The following SGPP2 variants were observed in gnomAD, a reference collection of about 807,000 sequenced individuals.
SGPP2 encodes the protein sphingosine-1-phosphate phosphatase 2.
Under a neutral mutation model 33.9 loss-of-function variants are expected in SGPP2, and 30 were observed. The ratio of observed to expected loss-of-function variants is 0.89; its 90% confidence interval spans 0.66 to 1.20. SGPP2 has a LOEUF of 1.20. Ranked by LOEUF, SGPP2 falls within the 50% of genes most tolerant of loss-of-function variation. The pLI, the probability that SGPP2 is intolerant of heterozygous loss-of-function variation, is 0.00. For missense variants in SGPP2, 458 were observed against 532.1 expected, an observed-to-expected ratio of 0.86 and a Z score of 1.37; for synonymous variants, 233 against 225.0, an observed-to-expected ratio of 1.04 and a Z score of -0.32.
rs1217225101 is a variant in SGPP2, at chr2:222,559,682, T to C, written c.*784T>C. On this transcript the variant is annotated 3_prime_UTR_variant, in exon 5 of 5. Transcript: ENST00000321276. ...GTTGCCCAGGTACGTCTGAAACTCC[T>C]GGGCTTAAGTGATCCACCCACCTCA... 6.6e-6 allele frequency: 1 copy of C among 152,410 alleles called. No homozygotes were observed. Among genetic ancestry groups the C allele is most frequent in the Non-Finnish European group, 1.5e-5 (1 of 68,240 alleles). 9.4% of individuals were successfully genotyped at this position (152,410 alleles called of 1,614,324 possible).
intron 2 of SGPP2, among the ~76,000 whole-genome samples, chr2:222,486,831 A>G (rs1314371780): frequency 6.6e-6 from 1 of 152,174 alleles, no homozygotes; most frequent in African/African-American, 2.4e-5. Flanking sequence ...ATTATGGTAT[A>G]TATTAAGGCT....
At chr2:222,536,093 C>A (rs1698911626) in intron 4 of SGPP2, among the ~76,000 whole-genome samples, 1 of 152,180 alleles carries the variant, frequency 6.6e-6, no homozygotes, top group Admixed American at 6.5e-5. Context: ...TTGATGAAAT[C>A]TTCCATAGGA....
intron 2 of SGPP2, among the ~76,000 whole-genome samples, chr2:222,475,058 C>A (rs192763461): frequency 2.0e-5 from 3 of 152,238 alleles, no homozygotes; most frequent in Admixed American, 2.0e-4. Flanking sequence ...CATCCCCCAA[C>A]AGGGAGAGGA....
intron 4 of SGPP2, among the ~76,000 whole-genome samples, chr2:222,555,445 G>GTTTTTTTTTTTTTTTTTTTTTTTGT (rs57228014): frequency 3.5e-5 from 3 of 85,864 alleles, no homozygotes; most frequent in Admixed American, 1.3e-4. Context: ...TCTTTTATCC[G>GTTTTTTTTTTTTTTTTTTTTTTTGT]TTTTTTTTTT....
rs1347633520 is a variant in SGPP2, at chr2:222,558,493, T to C, written c.795T>C (p.Pro265=). 1.9e-6 allele frequency: 3 copies of C among 1,614,040 alleles called. No individual in the cohort carries two copies. Among genetic ancestry groups the C allele is most frequent in the Non-Finnish European group, 2.5e-6 (3 of 1,180,018 alleles). ...CATTCTTCCTGTGTTACAATTACCC[T>C]GTTTCTGATTACTACAGCCCAACCC... ...VVPFFLCYNY[P]VSDYYSPTRA... is the part of the protein sequence containing the mutation. The change falls in exon 5 of 5, where the codon CCT becomes CCC. Residue 265 remains proline, a synonymous_variant. Transcript: ENST00000321276.
intron 2 of SGPP2, among the ~76,000 whole-genome samples, chr2:222,514,353 T>A (rs563165854): frequency 8.5e-5 from 13 of 152,298 alleles, no homozygotes; most frequent in African/African-American, 2.2e-4. Flanking sequence ...ATTCTTTTTT[T>A]AAAAAATGTT....
intron 1 of SGPP2, among the ~76,000 whole-genome samples, chr2:222,430,090 TAA>T (rs5838949): frequency 6.6e-6 from 1 of 151,742 alleles, no homozygotes; most frequent in Non-Finnish European, 1.5e-5. Flanking sequence ...GTGCAAAAAA[TAA>T]AAAAAATACT....
chr2:222,535,921 G>A (rs1284560334), intron 4 of SGPP2, among the ~76,000 whole-genome samples: 1 of 152,204 alleles, frequency 6.6e-6, no homozygotes, highest in East Asian at 1.9e-4. Context: ...CAGGGAGCTC[G>A]ATAAAGGCTT....
At position 222,454,516 on chromosome 2, in the gene SGPP2, C is replaced by A. The variant is rs1433278332; in HGVS notation, c.220-20052C>A. On this transcript the variant is annotated intron_variant, in intron 1 of 4. Transcript: ENST00000321276. The stretch of plus-strand genomic sequence containing the variant: ...GTCTGTTATGAAAGTCCCTTTCAGA[C>A]CTATGGGTCAAAGTAGATTTTCTTT... Among the ~76,000 whole-genome samples the A allele has an allele frequency of 2.6e-5, 4 of 152,278 alleles. No individual in the cohort carries two copies. In the East Asian group the frequency reaches 5.8e-4, roughly 22 times the overall value.
In SGPP2 at chr2:222,558,559, G is replaced by T. The variant is rs764725645; in HGVS notation, c.861G>T (p.Val287=). 19 of 1,614,046 alleles carry T rather than the reference G, an allele frequency of 1.2e-5. No individual in the cohort carries two copies. Among genetic ancestry groups the T allele is most frequent in the Non-Finnish European group, 1.2e-5 (14 of 1,180,040 alleles). Residue 287 remains valine (V), a synonymous_variant, in exon 5 of 5, where the codon GTG becomes GTT. Transcript: ENST00000321276. The part of the protein sequence containing the change: ...TTTILAAGAG[V]TIGFWINHFF... ...CCATTCTGGCTGCCGGGGCTGGAGTGACCATAGGATTCTGGATCAACCATT... is the reference window on the plus strand; with the variant it reads ...CCATTCTGGCTGCCGGGGCTGGAGTTACCATAGGATTCTGGATCAACCATT...
Position 222,541,594 on chromosome 2 carries a change from T to TTTTATTTATTTA in SGPP2, c.648+16585_648+16596dup, listed in dbSNP as rs72410664. On this transcript the variant is annotated intron_variant, in intron 4 of 4. Coordinates refer to ENST00000321276, the MANE Select transcript of SGPP2 (RefSeq NM_152386.4). Reference sequence around the variant, plus strand: ...TTTTTGGTTCAAAATAAGAAAACTATTTTATTTATTTATTTATTTATTTAT... The same window carrying TTTTATTTATTTA: ...TTTTTGGTTCAAAATAAGAAAACTATTTTATTTATTTATTTATTTATTTATTTATTTATTTAT... Among the ~76,000 whole-genome samples the TTTTATTTATTTA allele has an allele frequency of 8.0e-5, 12 of 150,598 alleles. 1 individual carries two copies. The highest frequency in any genetic ancestry group is 2.1e-4 in the South Asian group (1 of 4,736).
chr2:222,474,814 CTTTTT>C (rs3075931), intron 2 of SGPP2, 88 bp downstream of exon 2: 2,539 of 784,766 alleles, frequency 3.2e-3, no homozygotes, highest in South Asian at 6.4e-3. Context: ...TATGTTCTTT[CTTTTT>C]TTTTTTTTTT....
At chr2:222,491,759 A>G (rs573517593) in intron 2 of SGPP2, among the ~76,000 whole-genome samples, 86 of 152,128 alleles carry the variant, frequency 5.7e-4, no homozygotes, top group African/African-American at 2.0e-3. Context: ...CAGTCCCCCA[A>G]AGTCTTAACT....
chr2:222,555,884 A>C (rs1450023151), intron 4 of SGPP2, among the ~76,000 whole-genome samples: 2 of 152,210 alleles, frequency 1.3e-5, no homozygotes, highest in African/African-American at 4.8e-5. Flanking sequence ...CAAGAATTCC[A>C]AATAACAGTC....
At chr2:222,552,145 A>G (rs1229662930) in intron 4 of SGPP2, among the ~76,000 whole-genome samples, 1 of 152,140 alleles carries the variant, frequency 6.6e-6, no homozygotes, top group Non-Finnish European at 1.5e-5. Context: ...CATTTTTGCA[A>G]TTGTGAATTG....
intron 2 of SGPP2, among the ~76,000 whole-genome samples, chr2:222,499,414 C>A (rs1249645358): frequency 2.0e-5 from 3 of 152,226 alleles, no homozygotes; most frequent in Non-Finnish European, 4.4e-5. Flanking sequence ...CTCCCCTGCT[C>A]CCTGCAGTGA....
Position 222,540,978 on chromosome 2 carries a change from C to T in SGPP2, c.648+15945C>T, listed in dbSNP as rs187490709. ...GACTACAGGCATCCACCACCATGCCCGGCTAATTTTTTGTATTTTTAGTAG... is the reference window on the plus strand; with the variant it reads ...GACTACAGGCATCCACCACCATGCCTGGCTAATTTTTTGTATTTTTAGTAG... On this transcript the variant is annotated intron_variant, in intron 4 of 4. Coordinates refer to ENST00000321276, the MANE Select transcript of SGPP2 (RefSeq NM_152386.4). Among the ~76,000 whole-genome samples the T allele has an allele frequency of 2.8e-3, 419 of 151,982 alleles. 1 individual carries two copies. Among genetic ancestry groups the T allele is most frequent in the African/African-American group, 9.2e-3 (381 of 41,452 alleles).
chr2:222,499,203 C>T (rs1003063680), intron 2 of SGPP2, among the ~76,000 whole-genome samples: 1 of 152,174 alleles, frequency 6.6e-6, no homozygotes, highest in Non-Finnish European at 1.5e-5. Flanking sequence ...CTGTTTGCCC[C>T]GAAGGCAGAT....
intron 4 of SGPP2, among the ~76,000 whole-genome samples, chr2:222,542,238 G>A (rs1699009066): frequency 6.6e-6 from 1 of 152,162 alleles, no homozygotes; most frequent in Non-Finnish European, 1.5e-5. Context: ...GTTGCTGTAT[G>A]TAGCTCTCAT....
Sources: allele counts gnomAD v4.1 joint callset (sites outside exome capture counted in the v4.1 genomes callset), GRCh38; gene constraint gnomAD v4.1.1; transcripts MANE v1.5; gene names NCBI Gene and HGNC (gene_info 2026-07-23, HGNC 2026-07-21).